Variants in AKAIN1 observed in about 807,000 individuals in gnomAD.
AKAIN1 encodes A-kinase anchor inhibitor 1, also known as A-kinase anchor protein inhibitor 1.
A neutral mutation model predicts 3.7 loss-of-function variants in AKAIN1; 3 were observed. The ratio of observed to expected loss-of-function variants is 0.82; its 90% CI spans 0.37 to 2.12. The LOEUF is 2.12. Among genes scored for constraint, AKAIN1 ranks in the 30% most tolerant of loss-of-function variants. The probability of loss-of-function intolerance (pLI) is 0.06; values close to 1 mark genes in which losing one functional copy is unlikely to be tolerated. For missense variants in AKAIN1, 82 were observed against 82.7 expected (o/e 0.99, Z 0.03); for synonymous variants, 31 against 30.8 (o/e 1.01, Z -0.02).
intron 1 of AKAIN1, among the ~76,000 whole-genome samples, chr18:5,167,038 A>G (rs2071171534): frequency 6.6e-6 from 1 of 152,060 alleles, no homozygotes; most frequent in South Asian, 2.1e-4. Flanking sequence ...GACATTACTC[A>G]TGATTTTTCA....
At chr18:5,156,869 T>G (rs960440409) in intron 1 of AKAIN1, among the ~76,000 whole-genome samples, 1 of 152,182 alleles carries the variant, frequency 6.6e-6, no homozygotes, top group African/African-American at 2.4e-5. Context: ...AATGATGAAT[T>G]TTCAAGGCTG....
Position 5,145,621 on chromosome 18 carries a change from T to C in AKAIN1, c.151A>G (p.Asn51Asp). The change falls in exon 2 of 2, where the codon AAC becomes GAC. Residue 51 changes from asparagine (N) to aspartate (D), a missense_variant. Physicochemically the swap from Asn to Asp is conservative, Grantham distance 23. Transcript: ENST00000434239. ...SQRREERISD[N>D]RDHIQLGVGE... Reference sequence around the variant, plus strand: ...ACGCCCAGTTGGATGTGGTCCCGGTTGTCACTGATTCTCTCTTCTCTGCGC... The same window carrying C: ...ACGCCCAGTTGGATGTGGTCCCGGTCGTCACTGATTCTCTCTTCTCTGCGC... The C allele has an allele frequency of 6.4e-7, 1 of 1,551,708 alleles. No homozygotes were observed. Among genetic ancestry groups the C allele is most frequent in the South Asian group, 1.2e-5 (1 of 84,062 alleles).
upstream of AKAIN1, chr18:5,197,440 G>A: frequency 8.1e-7 from 1 of 1,229,996 alleles, no homozygotes; most frequent in Non-Finnish European, 1.0e-6. This position sits in a 1 kb window ranked among gnomAD's most constrained non-coding sequence, Gnocchi z 6.9. Flanking sequence ...ACAGTGAATT[G>A]CTTTTAATTA....
intron 1 of AKAIN1, among the ~76,000 whole-genome samples, chr18:5,193,030 G>A (rs1336703510): frequency 6.6e-6 from 1 of 152,164 alleles, no homozygotes; most frequent in Non-Finnish European, 1.5e-5. Flanking sequence ...AAACCTCACA[G>A]TTATGACAGT....
intron 1 of AKAIN1, among the ~76,000 whole-genome samples, chr18:5,179,917 A>C (rs1201965565): frequency 1.3e-5 from 2 of 152,180 alleles, no homozygotes; most frequent in Non-Finnish European, 2.9e-5. Flanking sequence ...TTTCACCTTC[A>C]GTAGCTTCTC....
At chr18:5,172,197 G>A (rs576597334) in intron 1 of AKAIN1, among the ~76,000 whole-genome samples, 29 of 152,122 alleles carry the variant, frequency 1.9e-4, no homozygotes, top group Non-Finnish European at 3.5e-4. Context: ...AGGCTGGGAA[G>A]GGTAGTGGGG....
At chr18:5,174,043 T>G (rs1453012433) in intron 1 of AKAIN1, among the ~76,000 whole-genome samples, 1 of 152,134 alleles carries the variant, frequency 6.6e-6, no homozygotes, top group Non-Finnish European at 1.5e-5. Context: ...TACCTGCTCT[T>G]TGCTTCCTGC....
chr18:5,188,636 G>A (rs1407423860), intron 1 of AKAIN1, among the ~76,000 whole-genome samples: 2 of 152,056 alleles, frequency 1.3e-5, no homozygotes, highest in Non-Finnish European at 2.9e-5. Context: ...AAGCCATCCA[G>A]ACTGCACAGG....
At chr18:5,154,114 T>A (rs2071093819) in intron 1 of AKAIN1, among the ~76,000 whole-genome samples, 1 of 152,084 alleles carries the variant, frequency 6.6e-6, no homozygotes, top group African/African-American at 2.4e-5. Flanking sequence ...CAATCAAGCT[T>A]TTAGAAGAAT....
chr18:5,184,698 C>A (rs2071277388), intron 1 of AKAIN1, among the ~76,000 whole-genome samples: 2 of 152,028 alleles, frequency 1.3e-5, no homozygotes, highest in Non-Finnish European at 2.9e-5. Flanking sequence ...AGAGGTGATA[C>A]AAACAAATGG....
intron 1 of AKAIN1, among the ~76,000 whole-genome samples, chr18:5,187,243 G>A (rs993671011): frequency 6.6e-6 from 1 of 152,068 alleles, no homozygotes; most frequent in African/African-American, 2.4e-5. Flanking sequence ...GAAACTAAGA[G>A]ATGTATCTTT....
intron 1 of AKAIN1, among the ~76,000 whole-genome samples, chr18:5,158,995 C>T (rs2071123854): frequency 6.6e-6 from 1 of 152,136 alleles, no homozygotes; most frequent in African/African-American, 2.4e-5. Flanking sequence ...AAAAATCTTG[C>T]TCCAGCCATG....
At position 5,144,552 on chromosome 18, in the gene AKAIN1, T is replaced by C. The variant is rs996928; in HGVS notation, c.*1010A>G. 0.19 allele frequency among the ~76,000 whole-genome samples: 29,494 copies of C among 152,246 alleles called. 3,825 individuals are homozygous for C. Among genetic ancestry groups the C allele is most frequent in the East Asian group, 0.47 (2,428 of 5,168 alleles). On this transcript the variant is annotated 3_prime_UTR_variant, in exon 2 of 2. Transcript: ENST00000434239. ...AAACACTGTCACTTTACTGTCCCCA[T>C]TGTGTTCTCATGTATTCCTGACCTG...
chr18:5,180,893 A>C (rs2053078580), intron 1 of AKAIN1, among the ~76,000 whole-genome samples: 1 of 152,142 alleles, frequency 6.6e-6, no homozygotes, highest in Non-Finnish European at 1.5e-5. Context: ...TCCTGTCTAA[A>C]TGTCAAACAG....
intron 1 of AKAIN1, 99 bp downstream of exon 1, chr18:5,196,939 G>T: frequency 9.1e-7 from 1 of 1,098,938 alleles, no homozygotes; most frequent in Non-Finnish European, 1.4e-6. Context: ...GAAACGCGCA[G>T]ATGGGCCGTA....
intron 1 of AKAIN1, among the ~76,000 whole-genome samples, chr18:5,195,208 C>A (rs4614823): frequency 0.34 from 52,243 of 152,036 alleles, 10,756 homozygotes; most frequent in South Asian, 0.51. Flanking sequence ...TTCACGCCAT[C>A]TCTGACAGTT....
At chr18:5,161,376 AATT>A (rs1264681172) in intron 1 of AKAIN1, among the ~76,000 whole-genome samples, 1 of 151,844 alleles carries the variant, frequency 6.6e-6, no homozygotes, top group African/African-American at 2.4e-5. Flanking sequence ...CTGTTATGTT[AATT>A]ATTGATTTTA....
rs1335203778 is a variant in AKAIN1, at chr18:5,159,509, GA to G, written c.17-13755del. On this transcript the variant is annotated intron_variant, in intron 1 of 1. Coordinates refer to ENST00000434239, the MANE Select transcript of AKAIN1 (RefSeq NM_001145194.2). ...TACATGTTATCTAACTGAAATTGTA[GA>G]TAGTGGCTTAAAAGTTTCTAGCAAG... The G allele has an allele frequency of 3.9e-5, 6 of 152,278 alleles. 1 individual carries two copies. In the East Asian group the frequency reaches 7.7e-4, roughly 20 times the overall value. The allele number at this position is 152,278 out of a possible 1,614,324, so 9.4% of individuals were successfully genotyped here.
intron 1 of AKAIN1, among the ~76,000 whole-genome samples, chr18:5,161,227 TA>T (rs996717957): frequency 2.0e-5 from 3 of 152,074 alleles, no homozygotes; most frequent in South Asian, 2.1e-4. Context: ...CTCCTTTAAT[TA>T]AAAAAAATTA....
Sources: allele counts gnomAD v4.1 joint callset (sites outside exome capture counted in the v4.1 genomes callset), GRCh38; gene constraint gnomAD v4.1.1; non-coding constraint Gnocchi (gnomAD v3.1); transcripts MANE v1.5; gene names NCBI Gene and HGNC (gene_info 2026-07-23, HGNC 2026-07-21).